The following NHSL1 variants were observed in gnomAD, a reference collection of about 807,000 sequenced individuals.
NHSL1 encodes the protein NHS like 1.
In NHSL1, 48 loss-of-function variants were observed where a neutral mutation model predicts 95.0. The observed-to-expected ratio is 0.51, with a 90% CI of 0.40 to 0.64. NHSL1 has a LOEUF of 0.64. Among genes scored for constraint, NHSL1 ranks in the 30% least tolerant of loss-of-function variants. NHSL1 has a pLI of 0.00. For synonymous variants in NHSL1, 783 were observed against 833.9 expected, an observed-to-expected ratio of 0.94 and a Z score of 1.05; for missense variants, 1,971 against 2,077.7, an observed-to-expected ratio of 0.95 and a Z score of 1.00.
intron 1 of NHSL1, among the ~76,000 whole-genome samples, chr6:138,587,031 G>A (rs1165624803): frequency 2.6e-5 from 4 of 151,768 alleles, no homozygotes; most frequent in East Asian, 2.0e-4. Flanking sequence ...GGAGTGCAGC[G>A]GTACAATCTC....
chr6:138,582,204 G>C (rs1017204186), intron 1 of NHSL1, among the ~76,000 whole-genome samples: 4 of 152,040 alleles, frequency 2.6e-5, no homozygotes, highest in African/African-American at 9.7e-5. Context: ...GCCCAAAGTG[G>C]CCTTAATTTA....
At chr6:138,629,405 G>A (rs1244284390) in intron 1 of NHSL1, among the ~76,000 whole-genome samples, 4 of 148,104 alleles carry the variant, frequency 2.7e-5, no homozygotes, top group South Asian at 2.1e-4. Flanking sequence ...TTTTTGAGAC[G>A]GAGTCTCGCT....
At chr6:138,635,976 A>T (rs1353272755) in intron 1 of NHSL1, among the ~76,000 whole-genome samples, 1 of 146,050 alleles carries the variant, frequency 6.8e-6, no homozygotes, top group Non-Finnish European at 1.5e-5. Context: ...AAAAAAAATT[A>T]TCCAGGTGTG....
chr6:138,503,838 C>T (rs954675406), upstream of NHSL1, among the ~76,000 whole-genome samples: 2 of 152,158 alleles, frequency 1.3e-5, no homozygotes, highest in Non-Finnish European at 2.9e-5. Context: ...CTTTGCCCCC[C>T]AAACTGTTTC....
At chr6:138,688,409 G>T (rs1017207808) in intron 1 of NHSL1, among the ~76,000 whole-genome samples, 6 of 152,014 alleles carry the variant, frequency 3.9e-5, no homozygotes. Context: ...ACTTTGGGAG[G>T]CCGAGGCGGG....
intron 2 of NHSL1, among the ~76,000 whole-genome samples, chr6:138,474,624 A>C (rs994170580): frequency 6.6e-6 from 1 of 152,230 alleles, no homozygotes; most frequent in African/African-American, 2.4e-5. Flanking sequence ...TTAATCATAA[A>C]ATAGCTAACT....
At chr6:138,439,432 T>C (rs1260877022) in intron 5 of NHSL1, among the ~76,000 whole-genome samples, 1 of 152,258 alleles carries the variant, frequency 6.6e-6, no homozygotes, top group African/African-American at 2.4e-5. Context: ...ATTACCTAGA[T>C]ATACTACCTT....
chr6:138,535,907 C>G (rs1033429288), intron 1 of NHSL1, among the ~76,000 whole-genome samples: 1 of 152,162 alleles, frequency 6.6e-6, no homozygotes, highest in African/African-American at 2.4e-5. Flanking sequence ...TGTTCTCTCA[C>G]TTCCCTACAG....
upstream of NHSL1, among the ~76,000 whole-genome samples, chr6:138,500,198 G>A (rs1780598907): frequency 6.6e-6 from 1 of 152,096 alleles, no homozygotes. Flanking sequence ...TAGGCTCCTG[G>A]TTTTCAGAAT....
At chr6:138,631,759 G>C (rs1371646580) in intron 1 of NHSL1, among the ~76,000 whole-genome samples, 1 of 152,110 alleles carries the variant, frequency 6.6e-6, no homozygotes, top group African/African-American at 2.4e-5. Flanking sequence ...GAGACTCGTA[G>C]GTTTCAGTTA....
At chr6:138,441,284 G>T (rs912832633) in intron 5 of NHSL1, among the ~76,000 whole-genome samples, 2 of 152,094 alleles carry the variant, frequency 1.3e-5, no homozygotes, top group African/African-American at 4.8e-5. Flanking sequence ...TGGTATTATG[G>T]GCCCTATTAG....
Position 138,433,346 on chromosome 6 carries a change from G to A in NHSL1, c.999C>T (p.Asn333=). ...CCAGCCTCGGCTCAAGGGACTGAAT[G>A]TTTGCCCTTGCTCCAGAACGCGGAA... The part of the protein sequence containing the change: ...HSLPRSGARA[N]IQSLEPRLGA... The change falls in exon 6 of 8, where the codon AAC becomes AAT. Residue 333 remains asparagine (N), a synonymous_variant. Transcript: ENST00000343505. 1.3e-6 allele frequency: 2 copies of A among 1,552,162 alleles called. No individual in the cohort carries two copies. Among genetic ancestry groups the A allele is most frequent in the Non-Finnish European group, 1.7e-6 (2 of 1,147,096 alleles).
chr6:138,522,650 T>C (rs982318712), intron 1 of NHSL1, among the ~76,000 whole-genome samples: 3 of 151,918 alleles, frequency 2.0e-5, no homozygotes, highest in Non-Finnish European at 1.5e-5. Flanking sequence ...TCAAATAAAA[T>C]AAAATAAAAT....
intron 4 of NHSL1, among the ~76,000 whole-genome samples, chr6:138,444,212 C>G (rs1274322847): frequency 6.6e-6 from 1 of 151,972 alleles, no homozygotes; most frequent in Non-Finnish European, 1.5e-5. Context: ...TGGGCATACT[C>G]TGGCTCTGGA....
chr6:138,617,065 T>C (rs1784589397), intron 1 of NHSL1, among the ~76,000 whole-genome samples: 1 of 152,148 alleles, frequency 6.6e-6, no homozygotes, highest in African/African-American at 2.4e-5. Flanking sequence ...AATTATATGG[T>C]TCACATAAAG....
chr6:138,537,476 C>T (rs780822176), intron 1 of NHSL1, among the ~76,000 whole-genome samples: 4 of 152,166 alleles, frequency 2.6e-5, no homozygotes, highest in Non-Finnish European at 4.4e-5. Context: ...ACTACATTTG[C>T]AAATTAGGGT....
chr6:138,493,087 C>T (rs1780166737), intron 2 of NHSL1, among the ~76,000 whole-genome samples: 1 of 151,988 alleles, frequency 6.6e-6, no homozygotes, highest in Non-Finnish European at 1.5e-5. Flanking sequence ...GGAAGAGGTA[C>T]GTGAAGTTCT....
intron 2 of NHSL1, among the ~76,000 whole-genome samples, chr6:138,490,925 C>T (rs1200001137): frequency 1.3e-5 from 2 of 152,212 alleles, no homozygotes; most frequent in Non-Finnish European, 1.5e-5. Context: ...AGCCACCGCG[C>T]CTGGATGGTA....
chr6:138,642,416 G>C (rs1035952052), intron 1 of NHSL1, among the ~76,000 whole-genome samples: 2 of 152,172 alleles, frequency 1.3e-5, no homozygotes, highest in African/African-American at 2.4e-5. Context: ...ACTTAAGGCA[G>C]AGAAGATGAA....
Sources: gnomAD v4.1 joint callset for allele counts (sites outside exome capture counted in the v4.1 genomes callset) on GRCh38, gnomAD v4.1.1 for gene constraint, MANE v1.5 for transcripts, NCBI Gene and HGNC (gene_info 2026-07-23, HGNC 2026-07-21) for gene names.